CDKN2A: variants seen among roughly 807,000 people sequenced by gnomAD.
The protein encoded by CDKN2A is cyclin dependent kinase inhibitor 2A, also known as cyclin-dependent kinase inhibitor 2A.
A neutral mutation model predicts 11.1 loss-of-function variants in CDKN2A; 3 were observed. The observed-to-expected ratio is 0.27, with a 90% CI of 0.12 to 0.70. The LOEUF is 0.70. Among genes scored for constraint, CDKN2A ranks in the 30% least tolerant of loss-of-function variants. The pLI, the probability that CDKN2A is intolerant of heterozygous loss-of-function variation, is 0.77. For synonymous variants in CDKN2A, 122 were observed against 108.1 expected, an observed-to-expected ratio of 1.13 and a Z score of -0.80; for missense variants, 265 against 233.6, an observed-to-expected ratio of 1.13 and a Z score of -0.88.
intron 2 of CDKN2A, among the ~76,000 whole-genome samples, chr9:21,987,042 A>G (rs911757046): frequency 6.6e-6 from 1 of 152,122 alleles, no homozygotes; most frequent in Admixed American, 6.5e-5. Flanking sequence ...TACATCAGCA[A>G]AGTCACTGGT....
intron 2 of CDKN2A, among the ~76,000 whole-genome samples, chr9:21,990,653 A>AG (rs1820412082): frequency 1.3e-5 from 2 of 150,402 alleles, no homozygotes; most frequent in East Asian, 1.9e-4. Context: ...AGAGAGAGAA[A>AG]CTGTTTACTG....
rs769762355 is a variant in CDKN2A at position 21,974,467 on chromosome 9, G to T, written c.150+211C>A. 9 of 1,611,938 alleles carry T rather than the reference G, an allele frequency of 5.6e-6. No individual in the cohort carries two copies. The highest frequency in any genetic ancestry group is 2.2e-5 in the East Asian group (1 of 44,840). On this transcript the variant is annotated intron_variant, in intron 1 of 2. Coordinates refer to ENST00000304494, the MANE Select transcript of CDKN2A (RefSeq NM_000077.5). This position sits in a 1 kb window ranked among gnomAD's most constrained non-coding sequence, Gnocchi z 5.2. Reference sequence around the variant, plus strand: ...CTCAGCATTCGAGAGATCTGTACGCGCGTGGCTCCTCATTCCTCTTCCTTG... The same window carrying T: ...CTCAGCATTCGAGAGATCTGTACGCTCGTGGCTCCTCATTCCTCTTCCTTG...
rs923320414 is a variant in CDKN2A at position 21,995,155 on chromosome 9, G to C, written c.-510C>G. 1.3e-5 allele frequency: 2 copies of C among 152,222 alleles called. No individual in the cohort carries two copies. The highest frequency in any genetic ancestry group is 4.8e-5 in the African/African-American group (2 of 41,470). The allele number at this position is 152,222 out of a possible 1,614,324, so 9.4% of individuals were successfully genotyped here. On this transcript the variant is annotated 5_prime_UTR_variant, in exon 1 of 4. Transcript: ENST00000494262. The surrounding 1 kb of genome is among the most constrained non-coding windows in gnomAD (Gnocchi z 5.7). ...GGAGCTGTCGACCCGGCCTGGCGCC[G>C]GACTAGGTAGGTGGAGTCGCACCCG...
chr9:21,974,132 C>T lies in CDKN2A; in HGVS notation c.150+546G>A, dbSNP rs3731240. Among the ~76,000 whole-genome samples, 845 of 152,292 alleles carry T rather than the reference C, an allele frequency of 5.5e-3. 5 individuals carry two copies. Among genetic ancestry groups the T allele is most frequent in the African/African-American group, 0.018 (761 of 41,546 alleles). ...CTCGAACTCCCGACCTCAGGTGATTCCCCCCGCCTTGATCTCCCAAAGTGA... is the reference window on the plus strand; with the variant it reads ...CTCGAACTCCCGACCTCAGGTGATTTCCCCCGCCTTGATCTCCCAAAGTGA... On this transcript the variant is annotated intron_variant, in intron 1 of 2. Transcript: ENST00000304494. The surrounding 1 kb of genome is among the most constrained non-coding windows in gnomAD (Gnocchi z 5.2).
At chr9:21,986,709 G>A (rs1431863200) in intron 2 of CDKN2A, among the ~76,000 whole-genome samples, 2 of 152,010 alleles carry the variant, frequency 1.3e-5, no homozygotes, top group African/African-American at 4.8e-5. Context: ...AATTGTTTTT[G>A]AAGAAAACAA....
At position 21,974,741 on chromosome 9, in the gene CDKN2A, C is replaced by T. The variant is rs540871544; in HGVS notation, c.87G>A (p.Arg29=). ...AAARGRVEEV[R]ALLEAGALPN... ...GCAGCGCCCCCGCCTCCAGCAGCGC[C>T]CGCACCTCCTCTACCCGACCCCGGG... Residue 29 remains arginine, a synonymous_variant, in exon 1 of 3, where the codon CGG becomes CGA. Transcript: ENST00000304494. The surrounding 1 kb of genome is among the most constrained non-coding windows in gnomAD (Gnocchi z 5.2). 1.2e-5 allele frequency: 20 copies of T among 1,612,530 alleles called. No homozygotes were observed. The African/African-American group carries it at 1.5e-4, about 12-fold the overall frequency.
chr9:21,971,147 T>G lies in CDKN2A; in HGVS notation c.212A>C (p.Asn71Thr), dbSNP rs559848002. 4 of 1,593,656 alleles carry G rather than the reference T, an allele frequency of 2.5e-6. No homozygotes were observed. The highest frequency in any genetic ancestry group is 2.5e-6 in the Non-Finnish European group (3 of 1,176,664). The change falls in exon 2 of 3, where the codon AAC becomes ACC. Residue 71 changes from asparagine (N) to threonine (T), a missense_variant. By Grantham distance (65) the Asn-to-Thr change is moderately conservative. Transcript: ENST00000304494. ...GGTGAGAGTGGCGGGGTCGGCGCAG[T>G]TGGGCTCCGCGCCGTGGAGCAGCAG... ...ELLLLHGAEP[N>T]CADPATLTRP...
chr9:21,968,409 C>T lies in CDKN2A; in HGVS notation c.458-167G>A, dbSNP rs896150811. The stretch of plus-strand genomic sequence containing the variant: ...CCGCCGCCACCGCTCTCCCACACCT[C>T]CCTGGTCCAGCAGCTAGTCCACTGC... On this transcript the variant is annotated intron_variant, in intron 2 of 2. Coordinates refer to ENST00000304494, the MANE Select transcript of CDKN2A (RefSeq NM_000077.5). The surrounding 1 kb of genome is among the most constrained non-coding windows in gnomAD (Gnocchi z 4.7). 1.0e-6 allele frequency: 1 copy of T among 978,272 alleles called. No homozygotes were observed. Among genetic ancestry groups the T allele is most frequent in the African/African-American group, 1.8e-5 (1 of 57,122 alleles). 60.6% of individuals were successfully genotyped at this position (978,272 alleles called of 1,614,324 possible). A position where few individuals can be genotyped will look rare whatever the true frequency, so the allele number is the denominator to read the frequency against.
intron 2 of CDKN2A, 153 bp downstream of exon 2, chr9:21,970,749 C>T: frequency 3.2e-6 from 3 of 936,212 alleles, no homozygotes; most frequent in Non-Finnish European, 4.9e-6. Context: ...CGGGGCAGGG[C>T]GATAGGGAGA....
chr9:21,978,976 G>A (rs144441442), upstream of CDKN2A, among the ~76,000 whole-genome samples: 541 of 152,322 alleles, frequency 3.6e-3, 2 homozygotes, highest in Middle Eastern at 0.02. Context: ...AATGAAGCAT[G>A]TAACGCTCTT....
At chr9:21,990,611 TGA>T (rs60431211) in intron 2 of CDKN2A, among the ~76,000 whole-genome samples, 2,339 of 89,720 alleles carry the variant, frequency 0.026, 77 homozygotes, top group Non-Finnish European at 0.027. Flanking sequence ...ACTAATTTGG[TGA>T]GAGAGAGAGA....
chr9:21,974,974 A>G, upstream of CDKN2A: 3 of 1,410,680 alleles, frequency 2.1e-6, no homozygotes, highest in East Asian at 5.5e-5. This position sits in a 1 kb window ranked among gnomAD's most constrained non-coding sequence, Gnocchi z 5.2. Flanking sequence ...CTGTCCCTCA[A>G]ATCCTCTGGA....
At chr9:21,986,473 G>C (rs1019643074) in intron 2 of CDKN2A, among the ~76,000 whole-genome samples, 3 of 151,938 alleles carry the variant, frequency 2.0e-5, no homozygotes, top group Admixed American at 6.6e-5. Context: ...TTAACTAAAA[G>C]AGATGGAACT....
At position 21,968,872 on chromosome 9, in the gene CDKN2A, A is replaced by G; in HGVS notation, c.458-630T>C. 8.5e-7 allele frequency: 1 copy of G among 1,174,046 alleles called. No individual in the cohort carries two copies. The allele number at this position is 1,174,046 out of a possible 1,614,324, so 72.7% of individuals were successfully genotyped here. ...TCCAGCTCGCCGTTCGGTTCTCCCGAGGCAGCATTTACACTTGAGAGTCTC... is the reference window on the plus strand; with the variant it reads ...TCCAGCTCGCCGTTCGGTTCTCCCGGGGCAGCATTTACACTTGAGAGTCTC... On this transcript the variant is annotated intron_variant, in intron 2 of 2. Transcript: ENST00000304494. This position sits in a 1 kb window ranked among gnomAD's most constrained non-coding sequence, Gnocchi z 4.7.
intron 1 of CDKN2A, chr9:21,994,755 G>T (rs1820562763): frequency 9.9e-6 from 2 of 202,384 alleles, no homozygotes; most frequent in Admixed American, 1.2e-4. Context: ...CCAGGGGCCG[G>T]ACGCCTGGAA....
At chr9:21,990,352 A>T (rs1273216725) in intron 2 of CDKN2A, among the ~76,000 whole-genome samples, 3 of 152,126 alleles carry the variant, frequency 2.0e-5, no homozygotes, top group Non-Finnish European at 4.4e-5. Flanking sequence ...CAGACCTTAA[A>T]GCCACGTTCT....
In CDKN2A at chr9:21,968,745, A is replaced by G. The variant is rs1272901141; in HGVS notation, c.458-503T>C. The G allele has an allele frequency of 6.5e-7, 1 of 1,536,068 alleles. No homozygotes were observed. Among genetic ancestry groups the G allele is most frequent in the Admixed American group, 2.0e-5 (1 of 50,982 alleles). ...CTTCCCTACGCATGCCTGCTTCTAC[A>G]AACCCACAAATGGTTTCCGATCATT... On this transcript the variant is annotated intron_variant, in intron 2 of 2. Transcript: ENST00000304494. The surrounding 1 kb of genome is among the most constrained non-coding windows in gnomAD (Gnocchi z 4.7).
chr9:21,992,471 T>A, intron 2 of CDKN2A: 1 of 934,774 alleles, frequency 1.1e-6, no homozygotes, highest in East Asian at 1.2e-4. Context: ...TCCTGAAAAT[T>A]GATTTATACC....
chr9:21,983,936 T>C (rs1175887836), intron 2 of CDKN2A, among the ~76,000 whole-genome samples: 2 of 152,008 alleles, frequency 1.3e-5, no homozygotes, highest in Admixed American at 6.6e-5. Context: ...TGAGCCTTTA[T>C]TTCCTCACCT....
Sources: allele counts gnomAD v4.1 joint callset (sites outside exome capture counted in the v4.1 genomes callset), GRCh38; gene constraint gnomAD v4.1.1; non-coding constraint Gnocchi (gnomAD v3.1); transcripts MANE v1.5; gene names NCBI Gene and HGNC (gene_info 2026-07-23, HGNC 2026-07-21).